Variants in GOLGA4 observed in about 807,000 individuals in gnomAD.
The protein encoded by GOLGA4 is golgin A4, also known as golgin subfamily A member 4.
In GOLGA4, 169 loss-of-function variants were observed where a neutral mutation model predicts 265.9. The ratio of observed to expected loss-of-function variants is 0.64; its 90% CI spans 0.56 to 0.72. The LOEUF is 0.72. Ranked by LOEUF, GOLGA4 falls within the 30% of genes least tolerant of loss-of-function variation. The pLI is 0.00. For synonymous variants in GOLGA4, 923 were observed against 855.8 expected, an observed-to-expected ratio of 1.08 and a Z score of -1.37; for missense variants, 2,482 against 2,483.4, an observed-to-expected ratio of 1.00 and a Z score of 0.01.
intron 4 of GOLGA4, 37 bp from the exon 5 acceptor site, chr3:37,289,198 G>A (rs1416378397): frequency 1.8e-6 from 2 of 1,137,820 alleles, no homozygotes; most frequent in African/African-American, 3.1e-5. Context: ...CATACAGTTA[G>A]CTGTTTAACC....
At chr3:37,269,621 C>G (rs1049263306) in intron 2 of GOLGA4, among the ~76,000 whole-genome samples, 1 of 152,000 alleles carries the variant, frequency 6.6e-6, no homozygotes, top group Non-Finnish European at 1.5e-5. Flanking sequence ...CAGAGCTTCA[C>G]AAAATTTGAA....
intron 2 of GOLGA4, among the ~76,000 whole-genome samples, chr3:37,264,939 G>C (rs752942710): frequency 6.6e-6 from 1 of 152,004 alleles, no homozygotes; most frequent in Admixed American, 6.6e-5. Context: ...AATAATTATA[G>C]ATTCATAGGA....
At chr3:37,310,990 T>TA (rs775301156) in intron 10 of GOLGA4, among the ~76,000 whole-genome samples, 1 of 152,194 alleles carries the variant, frequency 6.6e-6, no homozygotes, top group Non-Finnish European at 1.5e-5. Flanking sequence ...ATTTTGAACA[T>TA]ACTTTTTTAG....
chr3:37,357,465 TATG>T (rs1310765655), intron 22 of GOLGA4, among the ~76,000 whole-genome samples: 1 of 152,156 alleles, frequency 6.6e-6, no homozygotes, highest in Non-Finnish European at 1.5e-5. Flanking sequence ...GCTTAAGTAA[TATG>T]ATTCAAATAA....
At chr3:37,362,632 C>T (rs569641470) in intron 23 of GOLGA4, among the ~76,000 whole-genome samples, 2 of 151,632 alleles carry the variant, frequency 1.3e-5, no homozygotes, top group East Asian at 3.9e-4. Flanking sequence ...AGCTCCTGGG[C>T]TCAAGGGATC....
chr3:37,282,139 A>G lies in GOLGA4; in HGVS notation c.344A>G (p.Asp115Gly). 2.1e-5 allele frequency: 34 copies of G among 1,614,134 alleles called. No homozygotes were observed. Among genetic ancestry groups the G allele is most frequent in the Non-Finnish European group, 2.9e-5 (34 of 1,179,992 alleles). The change falls in exon 3 of 24, where the codon GAT becomes GGT. Residue 115 changes from aspartate to glycine, a missense_variant. Physicochemically the swap from Asp to Gly is moderately conservative, Grantham distance 94. This residue lies in a region of GOLGA4 where 1,536 missense variants were observed against 1,483.7 expected (regional missense o/e 1.04). Coordinates refer to ENST00000361924, the MANE Select transcript of GOLGA4 (RefSeq NM_002078.5). The part of the protein sequence containing the change: ...LDLDSSTASF[D>G]PPSDMDSEAE... ...CTGGACAGTTCTACTGCCAGTTTTG[A>G]TCCACCCTCTGATATGGATAGCGAG...
chr3:37,263,279 A>ATGT (rs2096774870), intron 2 of GOLGA4, among the ~76,000 whole-genome samples: 1 of 152,140 alleles, frequency 6.6e-6, no homozygotes. Flanking sequence ...AGGTTTGTGT[A>ATGT]AGTATGCTTG....
At chr3:37,266,613 G>A (rs2096784471) in intron 2 of GOLGA4, among the ~76,000 whole-genome samples, 2 of 152,088 alleles carry the variant, frequency 1.3e-5, no homozygotes, top group Non-Finnish European at 2.9e-5. Flanking sequence ...TTCATAGATT[G>A]GATTTTGAGA....
chr3:37,337,793 A>G, intron 19 of GOLGA4, 59 bp downstream of exon 19: 1 of 1,072,250 alleles, frequency 9.3e-7, no homozygotes, highest in Non-Finnish European at 1.4e-6. Context: ...ATGTACTTGG[A>G]TCTCAGCTAC....
chr3:37,289,430 G>A, intron 5 of GOLGA4, 139 bp downstream of exon 5: 1 of 537,088 alleles, frequency 1.9e-6, no homozygotes, highest in Non-Finnish European at 3.4e-6. Flanking sequence ...AAGACCAGGG[G>A]TCAGTTCTTG....
chr3:37,364,734 A>G (rs978787203), intron 23 of GOLGA4, among the ~76,000 whole-genome samples: 2 of 150,638 alleles, frequency 1.3e-5, no homozygotes, highest in Non-Finnish European at 1.5e-5. Context: ...CCACAGACAC[A>G]TGCCACCACA....
intron 2 of GOLGA4, among the ~76,000 whole-genome samples, chr3:37,254,505 A>C (rs1042163568): frequency 1.3e-5 from 2 of 151,868 alleles, no homozygotes; most frequent in African/African-American, 4.8e-5. Context: ...TTAATTAAAA[A>C]ATTAATTGTT....
In GOLGA4 at chr3:37,349,889, G is replaced by T. The variant is rs371568001; in HGVS notation, c.6576+2593G>T. ...GTGTTCTTTATTTTATGAGGCAGAT[G>T]ACTTTTTAAAAGAAGACTATATATA... On this transcript the variant is annotated intron_variant, in intron 21 of 23. Coordinates refer to ENST00000361924, the MANE Select transcript of GOLGA4 (RefSeq NM_002078.5). 1.4e-3 allele frequency among the ~76,000 whole-genome samples: 206 copies of T among 152,248 alleles called. 5 individuals are homozygous for T. In the South Asian group the frequency reaches 0.041, roughly 31 times the overall value.
At chr3:37,245,016 A>G (rs1380511296) in intron 1 of GOLGA4, among the ~76,000 whole-genome samples, 1 of 152,236 alleles carries the variant, frequency 6.6e-6, no homozygotes, top group Non-Finnish European at 1.5e-5. Flanking sequence ...CCATTTCTAG[A>G]AATTTATTCT....
At chr3:37,281,073 A>G (rs942435023) in intron 2 of GOLGA4, among the ~76,000 whole-genome samples, 1 of 152,182 alleles carries the variant, frequency 6.6e-6, no homozygotes. Context: ...ACTAATGAGA[A>G]TGAGCTTCTA....
chr3:37,325,663 A>G lies in GOLGA4; in HGVS notation c.3777A>G (p.Lys1259=). ...CTCATTGTCAGCACCGTACAACTAA[A>G]GTTAAGGAGGCACTGTTAATTAAAA... The part of the protein sequence containing the change: ...RISHCQHRTT[K]VKEALLIKTC... The change falls in exon 14 of 24, where the codon AAA becomes AAG. Residue 1259 remains lysine (K), a synonymous_variant. Coordinates refer to ENST00000361924, the MANE Select transcript of GOLGA4 (RefSeq NM_002078.5). The G allele has an allele frequency of 6.2e-7, 1 of 1,613,984 alleles. No individual in the cohort carries two copies. The highest frequency in any genetic ancestry group is 8.5e-7 in the Non-Finnish European group (1 of 1,179,852).
At chr3:37,284,065 CAT>C (rs1434392371) in intron 3 of GOLGA4, among the ~76,000 whole-genome samples, 3 of 152,152 alleles carry the variant, frequency 2.0e-5, no homozygotes, top group African/African-American at 7.2e-5. Flanking sequence ...CAAAAGAACT[CAT>C]AGACTTTGTC....
chr3:37,322,071 A>T (rs9846969), intron 13 of GOLGA4, among the ~76,000 whole-genome samples, 185 bp downstream of exon 13: 2,262 of 152,202 alleles, frequency 0.015, 51 homozygotes, highest in African/African-American at 0.052. Flanking sequence ...TGTTTATTAC[A>T]TGGTGCTCCT....
intron 11 of GOLGA4, 74 bp from the exon 12 acceptor site, chr3:37,318,989 A>G: frequency 1.0e-6 from 1 of 973,206 alleles, no homozygotes; most frequent in Non-Finnish European, 1.5e-6. Context: ...GTAAATTATA[A>G]TAGTATTATT....
Sources: allele counts gnomAD v4.1 joint callset (sites outside exome capture counted in the v4.1 genomes callset), GRCh38; gene constraint gnomAD v4.1.1; regional missense constraint gnomAD v4.1.1; transcripts MANE v1.5; gene names NCBI Gene and HGNC (gene_info 2026-07-23, HGNC 2026-07-21).